The following BICD1 variants were observed in gnomAD, a reference collection of about 807,000 sequenced individuals.
BICD1 encodes the protein BICD cargo adaptor 1, also known as protein bicaudal D homolog 1.
A neutral mutation model predicts 92.5 loss-of-function variants in BICD1; 35 were observed. That is an observed-to-expected ratio of 0.38 (90% CI 0.29 to 0.50). The LOEUF (loss-of-function observed/expected upper bound fraction) is 0.50. BICD1 is among the 20% of genes least tolerant of loss of function. The probability of loss-of-function intolerance (pLI) is 0.93; values close to 1 mark genes in which losing one functional copy is unlikely to be tolerated. For missense variants in BICD1, 950 were observed against 1,189.8 expected (o/e 0.80, Z 2.97); for synonymous variants, 429 against 465.1 (o/e 0.92, Z 1.00).
intron 8 of BICD1, among the ~76,000 whole-genome samples, chr12:32,354,649 G>C (rs1292636012): frequency 1.3e-5 from 2 of 152,140 alleles, no homozygotes; most frequent in Non-Finnish European, 2.9e-5. Flanking sequence ...GTTTTAACAG[G>C]GGATGTAATA....
chr12:32,215,953 CAA>C (rs56005523), intron 1 of BICD1, among the ~76,000 whole-genome samples: 1,485 of 67,746 alleles, frequency 0.022, 8 homozygotes, highest in African/African-American at 0.079. Context: ...GACTCCGTCT[CAA>C]AAAAAAAAAA....
chr12:32,333,320 T>C (rs925476679), intron 5 of BICD1: 2 of 937,932 alleles, frequency 2.1e-6, no homozygotes, highest in Non-Finnish European at 2.5e-6. Flanking sequence ...CATACAGAAG[T>C]ATTTTATGAG....
chr12:32,140,488 T>G (rs1389041737), intron 1 of BICD1, among the ~76,000 whole-genome samples: 1 of 152,146 alleles, frequency 6.6e-6, no homozygotes, highest in Non-Finnish European at 1.5e-5. Context: ...GTTGTTGTTT[T>G]GTTTGTTTTT....
rs11051817 is a variant in BICD1 at position 32,150,382 on chromosome 12, G to A, written c.213+42838G>A. Among the ~76,000 whole-genome samples the A allele has an allele frequency of 5.5e-4, 84 of 152,274 alleles. No individual in the cohort carries two copies. In the East Asian group the frequency reaches 0.012, roughly 22 times the overall value. On this transcript the variant is annotated intron_variant, in intron 1 of 9. Transcript: ENST00000652176. ...AGGTTTTATCTAGGCAGGGAAAAGC[G>A]TATGTTTTTTCCTTGACCTTGAAAA...
intron 1 of BICD1, among the ~76,000 whole-genome samples, chr12:32,193,452 G>A (rs1208135617): frequency 6.6e-6 from 1 of 152,324 alleles, no homozygotes; most frequent in East Asian, 1.9e-4. Flanking sequence ...AAAAATGGAT[G>A]TGACTTGTTT....
intron 1 of BICD1, among the ~76,000 whole-genome samples, chr12:32,198,324 ATCTATCTATAT>A (rs1565581450): frequency 7.8e-4 from 45 of 57,856 alleles, no homozygotes; most frequent in Middle Eastern, 7.8e-3. Context: ...AATAATATGC[ATCTATCTATAT>A]ATATATATAT....
chr12:32,234,380 C>G (rs7962593), intron 2 of BICD1, among the ~76,000 whole-genome samples: 181 of 151,758 alleles, frequency 1.2e-3, no homozygotes, highest in African/African-American at 4.0e-3. Flanking sequence ...GGCAGATCAC[C>G]GGAGGTCGGG....
At chr12:32,269,629 G>A (rs1346195343) in intron 2 of BICD1, among the ~76,000 whole-genome samples, 1 of 152,202 alleles carries the variant, frequency 6.6e-6, no homozygotes, top group Non-Finnish European at 1.5e-5. Flanking sequence ...CAGTTTTATA[G>A]ATGAAATTTT....
At chr12:32,227,104 T>A (rs1032221662) in intron 2 of BICD1, among the ~76,000 whole-genome samples, 6 of 152,082 alleles carry the variant, frequency 3.9e-5, no homozygotes, top group Non-Finnish European at 8.8e-5. Context: ...GCCTCCTCCA[T>A]GTAAAGCTAC....
intron 1 of BICD1, among the ~76,000 whole-genome samples, chr12:32,142,428 A>C (rs970824758): frequency 1.5e-3 from 47 of 31,004 alleles, no homozygotes; most frequent in African/African-American, 4.6e-3. Context: ...AAAAAAAAAA[A>C]AAACAAAAAA....
chr12:32,310,519 C>CTAAG (rs1292953844), intron 4 of BICD1, among the ~76,000 whole-genome samples: 4 of 152,104 alleles, frequency 2.6e-5, no homozygotes, highest in Non-Finnish European at 5.9e-5. Flanking sequence ...TCTGCATGAC[C>CTAAG]TAAGGATCAT....
intron 1 of BICD1, among the ~76,000 whole-genome samples, chr12:32,122,488 CAAA>C (rs11336919): frequency 5.6e-4 from 79 of 140,384 alleles, no homozygotes; most frequent in Middle Eastern, 3.6e-3. Context: ...GACTCCGTTT[CAAA>C]AAAAAAAAAA....
intron 1 of BICD1, among the ~76,000 whole-genome samples, chr12:32,114,572 A>C (rs911513123): frequency 7.2e-5 from 11 of 151,960 alleles, no homozygotes; most frequent in Non-Finnish European, 1.5e-4. Flanking sequence ...TTGTAGACAC[A>C]GGGTTTTGCC....
At chr12:32,162,718 C>T (rs186388119) in intron 1 of BICD1, among the ~76,000 whole-genome samples, 2 of 152,270 alleles carry the variant, frequency 1.3e-5, no homozygotes, top group East Asian at 1.9e-4. Context: ...TATGGTGGCT[C>T]ATGCCTGTAA....
intron 1 of BICD1, among the ~76,000 whole-genome samples, chr12:32,146,730 C>A (rs1455109679): frequency 2.6e-5 from 4 of 152,138 alleles, no homozygotes; most frequent in Admixed American, 6.5e-5. Flanking sequence ...AGGAGGATTA[C>A]CGAGTGGCTC....
chr12:32,264,242 AT>A (rs1408698464), intron 2 of BICD1, among the ~76,000 whole-genome samples: 4 of 152,214 alleles, frequency 2.6e-5, no homozygotes, highest in Admixed American at 1.3e-4. Flanking sequence ...AAATATTGTT[AT>A]TAGCTCTTAA....
intron 2 of BICD1, among the ~76,000 whole-genome samples, chr12:32,246,655 C>T (rs1436161098): frequency 6.6e-6 from 1 of 152,078 alleles, no homozygotes; most frequent in Non-Finnish European, 1.5e-5. Flanking sequence ...ATCATCTTTA[C>T]AGTTATTTGA....
In BICD1 at chr12:32,107,314, C is replaced by T. The variant is rs200535181; in HGVS notation, c.-18C>T. The T allele has an allele frequency of 1.9e-6, 3 of 1,580,784 alleles. No individual in the cohort carries two copies. The highest frequency in any genetic ancestry group is 2.6e-6 in the Non-Finnish European group (3 of 1,162,214). Reference sequence around the variant, plus strand: ...TCCCCCACCCCGTAACCCCCTCCTGCCTCCATCCACCGGGGCTATGGCCGC... The same window carrying T: ...TCCCCCACCCCGTAACCCCCTCCTGTCTCCATCCACCGGGGCTATGGCCGC... On this transcript the variant is annotated 5_prime_UTR_variant, in exon 1 of 10. Transcript: ENST00000652176.
At chr12:32,208,749 C>G (rs976847308) in intron 1 of BICD1, among the ~76,000 whole-genome samples, 1 of 152,320 alleles carries the variant, frequency 6.6e-6, no homozygotes, top group South Asian at 2.1e-4. Context: ...TCAGTCAGTT[C>G]TAACATGTTT....
Sources: allele counts gnomAD v4.1 joint callset (sites outside exome capture counted in the v4.1 genomes callset), GRCh38; gene constraint gnomAD v4.1.1; transcripts MANE v1.5; gene names NCBI Gene and HGNC (gene_info 2026-07-23, HGNC 2026-07-21).